TLL2: variants seen among roughly 807,000 people sequenced by gnomAD.
The protein encoded by TLL2 is tolloid like 2.
A neutral mutation model predicts 123.0 loss-of-function variants in TLL2; 106 were observed. That is an observed-to-expected ratio of 0.86 (90% CI 0.74 to 1.01). TLL2 has a LOEUF of 1.01. Ranked by LOEUF, TLL2 falls within the 50% of genes least tolerant of loss-of-function variation. The probability of loss-of-function intolerance (pLI) is 0.00; values close to 1 mark genes in which losing one functional copy is unlikely to be tolerated. For missense variants in TLL2, 1,332 were observed against 1,336.7 expected (o/e 1.00, Z 0.06); for synonymous variants, 494 against 516.8 (o/e 0.96, Z 0.60).
intron 16 of TLL2, among the ~76,000 whole-genome samples, chr10:96,383,790 T>A (rs1485544938): frequency 2.4e-4 from 15 of 61,256 alleles, no homozygotes; most frequent in Admixed American, 6.8e-4. Flanking sequence ...CCGGCTAATT[T>A]TTTTTTTTTT....
At chr10:96,382,231 A>G (rs1021634210) in intron 16 of TLL2, among the ~76,000 whole-genome samples, 7 of 152,176 alleles carry the variant, frequency 4.6e-5, no homozygotes, top group African/African-American at 1.4e-4. Flanking sequence ...GGGTTTCACC[A>G]CGTTGGGCAG....
intron 2 of TLL2, among the ~76,000 whole-genome samples, chr10:96,469,645 C>A (rs1251737087): frequency 1.3e-5 from 2 of 151,414 alleles, no homozygotes; most frequent in Non-Finnish European, 2.9e-5. Flanking sequence ...GGGCTTTGAT[C>A]CCAGATCCCA....
intron 1 of TLL2, among the ~76,000 whole-genome samples, chr10:96,490,630 A>C (rs1269103605): frequency 6.6e-6 from 1 of 152,220 alleles, no homozygotes; most frequent in East Asian, 1.9e-4. Context: ...AAATTAAATC[A>C]ACAAGTGGAC....
chr10:96,402,474 A>G (rs2134066101), intron 10 of TLL2, among the ~76,000 whole-genome samples: 1 of 152,324 alleles, frequency 6.6e-6, no homozygotes, highest in East Asian at 1.9e-4. Flanking sequence ...AACCTCTGCT[A>G]CTGGGAATCC....
intron 16 of TLL2, among the ~76,000 whole-genome samples, chr10:96,383,092 C>T (rs937162488): frequency 2.6e-5 from 4 of 151,922 alleles, no homozygotes; most frequent in African/African-American, 4.8e-5. Flanking sequence ...GGGGATTATT[C>T]GTGATCAGAG....
intron 3 of TLL2, among the ~76,000 whole-genome samples, chr10:96,438,198 G>A (rs1846815612): frequency 6.6e-6 from 1 of 152,164 alleles, no homozygotes; most frequent in African/African-American, 2.4e-5. Context: ...GAACAATCTG[G>A]AGAGAACTTG....
chr10:96,381,937 T>TA (rs1414833884), intron 16 of TLL2, among the ~76,000 whole-genome samples: 1 of 152,204 alleles, frequency 6.6e-6, no homozygotes, highest in Non-Finnish European at 1.5e-5. Flanking sequence ...ATTAAGACTA[T>TA]AAAGATAACC....
chr10:96,391,180 C>A (rs1462357892), intron 13 of TLL2, among the ~76,000 whole-genome samples: 2 of 152,180 alleles, frequency 1.3e-5, no homozygotes, highest in Non-Finnish European at 1.5e-5. Flanking sequence ...GCCCACTCCA[C>A]CAGCAGGGAA....
chr10:96,371,125 C>T (rs1046984724), intron 19 of TLL2, among the ~76,000 whole-genome samples: 2 of 152,034 alleles, frequency 1.3e-5, no homozygotes, highest in Non-Finnish European at 1.5e-5. Flanking sequence ...AGTTTGCGAC[C>T]AGCCTGGCCA....
At chr10:96,388,972 C>A (rs73324558) in intron 13 of TLL2, among the ~76,000 whole-genome samples, 6,831 of 152,246 alleles carry the variant, frequency 0.045, 483 homozygotes, top group African/African-American at 0.15. Flanking sequence ...AGTTGCCCAT[C>A]GCCTCAAATA....
intron 9 of TLL2, 75 bp from the exon 10 acceptor site, chr10:96,405,409 G>A: frequency 7.6e-7 from 1 of 1,319,934 alleles, no homozygotes; most frequent in Non-Finnish European, 1.1e-6. Flanking sequence ...TTGCATACTG[G>A]TGTTCTCACG....
At chr10:96,391,220 C>T (rs1456241730) in intron 13 of TLL2, among the ~76,000 whole-genome samples, 2 of 152,196 alleles carry the variant, frequency 1.3e-5, no homozygotes, top group East Asian at 3.8e-4. Flanking sequence ...TTGATCTATC[C>T]ATTCTTTCAT....
chr10:96,384,941 C>A (rs1173027978), intron 15 of TLL2, among the ~76,000 whole-genome samples, 174 bp from the exon 16 acceptor site: 1 of 152,198 alleles, frequency 6.6e-6, no homozygotes, highest in Non-Finnish European at 1.5e-5. Context: ...ACAGGGGGAC[C>A]CCTGGCTCTC....
intron 17 of TLL2, 31 bp downstream of exon 17, chr10:96,378,936 G>GT: frequency 2.5e-6 from 4 of 1,610,826 alleles, no homozygotes; most frequent in Non-Finnish European, 3.4e-6. Context: ...AGGGCAGCCC[G>GT]CCCCCCCAAC....
chr10:96,465,495 A>G (rs1847120828), intron 2 of TLL2, among the ~76,000 whole-genome samples: 2 of 152,204 alleles, frequency 1.3e-5, no homozygotes, highest in African/African-American at 2.4e-5. Flanking sequence ...ATGAGCATCT[A>G]TATTACAACA....
intron 9 of TLL2, among the ~76,000 whole-genome samples, chr10:96,409,698 G>A (rs1846482898): frequency 1.3e-5 from 2 of 152,282 alleles, no homozygotes; most frequent in South Asian, 4.1e-4. Context: ...AGGGGGTCAC[G>A]GAATCTTCAA....
At chr10:96,447,820 AG>A (rs1216713203) in intron 2 of TLL2, among the ~76,000 whole-genome samples, 1 of 152,130 alleles carries the variant, frequency 6.6e-6, no homozygotes, top group Non-Finnish European at 1.5e-5. Context: ...CCCATTTTCC[AG>A]AGGAGAGAAC....
chr10:96,468,522 C>T (rs778943982), intron 2 of TLL2, among the ~76,000 whole-genome samples: 7 of 152,302 alleles, frequency 4.6e-5, no homozygotes, highest in South Asian at 2.1e-4. Context: ...TATAGGGCCA[C>T]GAGAATATAC....
chr10:96,484,987 T>G (rs926478049), intron 1 of TLL2, among the ~76,000 whole-genome samples: 1 of 152,228 alleles, frequency 6.6e-6, no homozygotes, highest in African/African-American at 2.4e-5. Context: ...CCTCACAGCA[T>G]TCATTTTTAT....
Sources: gnomAD v4.1 joint callset for allele counts (sites outside exome capture counted in the v4.1 genomes callset) on GRCh38, gnomAD v4.1.1 for gene constraint, MANE v1.5 for transcripts, NCBI Gene and HGNC (gene_info 2026-07-23, HGNC 2026-07-21) for gene names.